The following OTUD7A variants were observed in gnomAD, a reference collection of about 807,000 sequenced individuals.
OTUD7A encodes OTU domain-containing protein 7A.
A neutral mutation model predicts 65.7 loss-of-function variants in OTUD7A; 12 were observed. The ratio of observed to expected loss-of-function variants is 0.18; its 90% CI spans 0.12 to 0.30. The LOEUF (loss-of-function observed/expected upper bound fraction) is 0.30. OTUD7A is among the 10% of genes least tolerant of loss of function. The pLI, the probability that OTUD7A is intolerant of heterozygous loss-of-function variation, is 1.00. For synonymous variants in OTUD7A, 641 were observed against 586.3 expected (o/e 1.09, Z -1.35); for missense variants, 1,148 against 1,304.8 (o/e 0.88, Z 1.85).
chr15:31,540,867 G>A (rs75176376), intron 5 of OTUD7A, among the ~76,000 whole-genome samples: 4,887 of 152,248 alleles, frequency 0.032, 258 homozygotes, highest in African/African-American at 0.11. Flanking sequence ...GCAAATAAAG[G>A]GAAGCTTTTG....
intron 6 of OTUD7A, 94 bp from the exon 7 acceptor site, chr15:31,527,402 G>C: frequency 6.7e-7 from 1 of 1,482,636 alleles, no homozygotes. Context: ...CACTGGGAGA[G>C]CCTCCTGTCT....
chr15:31,594,661 A>G (rs546745900), intron 3 of OTUD7A, among the ~76,000 whole-genome samples: 1 of 152,336 alleles, frequency 6.6e-6, no homozygotes, highest in East Asian at 1.9e-4. Flanking sequence ...TTCAGATTCA[A>G]TGAAATCCTG....
At chr15:31,778,730 TCTCTC>T (rs1895456444) in intron 1 of OTUD7A, among the ~76,000 whole-genome samples, 2 of 151,094 alleles carry the variant, frequency 1.3e-5, no homozygotes, top group Admixed American at 1.3e-4. Context: ...GATGTGTGTG[TCTCTC>T]TCTCTCACAC....
In OTUD7A at chr15:31,767,121, T is replaced by G. The variant is rs1567012024; in HGVS notation, c.-100+103386A>C. ...CAGTAGAATCTGATTCTTCTTTATT[T>G]TTTTTTCTCTACGAAGCAGACTGAG... is the stretch of plus-strand genomic sequence containing the variant. On this transcript the variant is annotated intron_variant, in intron 1 of 12. Transcript: ENST00000307050. 5 of 1,546,120 alleles carry G rather than the reference T, an allele frequency of 3.2e-6. No homozygotes were observed. The South Asian group carries it at 5.9e-5, about 18-fold the overall frequency.
chr15:31,857,077 A>G (rs1897593891), intron 1 of OTUD7A, among the ~76,000 whole-genome samples: 1 of 152,224 alleles, frequency 6.6e-6, no homozygotes, highest in Non-Finnish European at 1.5e-5. Context: ...ACAACATGGA[A>G]ATAGAGGCTT....
rs35903264 is a variant in OTUD7A at position 31,646,523 on chromosome 15, T to C, written c.151+8573A>G. Among the ~76,000 whole-genome samples, 315 of 151,488 alleles carry C rather than the reference T, an allele frequency of 2.1e-3. 1 individual carries two copies. In the East Asian group the frequency reaches 0.022, roughly 10 times the overall value. On this transcript the variant is annotated intron_variant, in intron 3 of 12. Coordinates refer to ENST00000307050, the MANE Select transcript of OTUD7A (RefSeq NM_001382637.1). ...TTGCCCAGGCTGGAGTACAATGGTG[T>C]GATCTTGGCTCACTGCAACCTCTGC...
At position 31,484,019 on chromosome 15, in the gene OTUD7A, C is replaced by T. The variant is rs1216305527; in HGVS notation, c.2077G>A (p.Ala693Thr). The change falls in exon 13 of 13, where the codon GCC (alanine) becomes ACC (threonine). Residue 693 changes from alanine to threonine, a missense_variant. Ala to Thr is a moderately conservative substitution (Grantham distance 58, BLOSUM62 0). This residue lies in a region of OTUD7A where 842 missense variants were observed against 769.5 expected (regional missense o/e 1.09). Coordinates refer to ENST00000307050, the MANE Select transcript of OTUD7A (RefSeq NM_001382637.1). This position sits in a 1 kb window ranked among gnomAD's most constrained non-coding sequence, Gnocchi z 4.5. Reference protein sequence around the residue: ...AATAAAAAAAAAAATAKRPPR... With the variant: ...AATAAAAAAATAAATAKRPPR... ...GGCCGCTTGGCCGTGGCGGCGGCGG[C>T]GGCGGCGGCAGCGGCGGCCGCAGTA... 3 of 1,214,036 alleles carry T rather than the reference C, an allele frequency of 2.5e-6. No homozygotes were observed. The African/African-American group carries it at 4.8e-5, about 19-fold the overall frequency. 75.2% of individuals were successfully genotyped at this position (1,214,036 alleles called of 1,614,324 possible).
intron 1 of OTUD7A, among the ~76,000 whole-genome samples, chr15:31,851,810 G>A (rs548693699): frequency 6.6e-6 from 1 of 152,290 alleles, no homozygotes; most frequent in African/African-American, 2.4e-5. Context: ...AGAAAGAAAA[G>A]TATTTAGATA....
At chr15:31,634,552 T>C (rs751484389) in intron 3 of OTUD7A, among the ~76,000 whole-genome samples, 7 of 152,220 alleles carry the variant, frequency 4.6e-5, no homozygotes, top group African/African-American at 7.2e-5. Flanking sequence ...TGTCAAGGCC[T>C]TCCTTCACGG....
rs1478445365 is a variant in OTUD7A, at chr15:31,870,583, T to G, written c.-176A>C. On this transcript the variant is annotated 5_prime_UTR_variant, in exon 1 of 13. Coordinates refer to ENST00000307050, the MANE Select transcript of OTUD7A (RefSeq NM_001382637.1). ...CTACCCGACTTCCATTTTCTCTCGCTTTAAAGGAAAACCAGATCAGCTGTT... is the reference window on the plus strand; with the variant it reads ...CTACCCGACTTCCATTTTCTCTCGCGTTAAAGGAAAACCAGATCAGCTGTT... 6.8e-6 allele frequency: 1 copy of G among 147,258 alleles called. No homozygotes were observed. Among genetic ancestry groups the G allele is most frequent in the Non-Finnish European group, 1.5e-5 (1 of 66,420 alleles). The allele number at this position is 147,258 out of a possible 1,614,324, so 9.1% of individuals were successfully genotyped here.
chr15:31,541,196 G>C (rs1378203023), intron 5 of OTUD7A, among the ~76,000 whole-genome samples: 3 of 151,982 alleles, frequency 2.0e-5, no homozygotes, highest in Non-Finnish European at 4.4e-5. Flanking sequence ...GTAGTATTAG[G>C]ATAAAAAAGA....
intron 1 of OTUD7A, among the ~76,000 whole-genome samples, chr15:31,768,515 T>C (rs1895147605): frequency 6.6e-6 from 1 of 151,922 alleles, no homozygotes; most frequent in Admixed American, 6.6e-5. Flanking sequence ...AAAAATTAGC[T>C]GGGCATGGTG....
At chr15:31,720,076 T>C (rs1340524164) in intron 1 of OTUD7A, among the ~76,000 whole-genome samples, 2 of 152,136 alleles carry the variant, frequency 1.3e-5, no homozygotes, top group Non-Finnish European at 2.9e-5. Context: ...AGCTGCTCTC[T>C]GTAAAGGCTT....
chr15:31,758,218 A>G (rs980944969), intron 1 of OTUD7A, among the ~76,000 whole-genome samples: 4 of 152,168 alleles, frequency 2.6e-5, no homozygotes, highest in African/African-American at 9.7e-5. Flanking sequence ...TCATTTAGAT[A>G]AAGGGAAATA....
rs75031722 is a variant in OTUD7A at position 31,750,749 on chromosome 15, A to G, written c.-99-93672T>C. The stretch of plus-strand genomic sequence containing the variant: ...TTCCCACCCTTTAATACTATGTATA[A>G]TTATTATTTGTGTCAGGATAAGTTG... On this transcript the variant is annotated intron_variant, in intron 1 of 12. Coordinates refer to ENST00000307050, the MANE Select transcript of OTUD7A (RefSeq NM_001382637.1). Among the ~76,000 whole-genome samples the G allele has an allele frequency of 1.2e-4, 18 of 152,290 alleles. No homozygotes were observed. In the East Asian group the frequency reaches 3.3e-3, roughly 28 times the overall value.
chr15:31,835,699 T>C (rs1897038618), intron 1 of OTUD7A, among the ~76,000 whole-genome samples: 1 of 152,114 alleles, frequency 6.6e-6, no homozygotes, highest in African/African-American at 2.4e-5. Flanking sequence ...TACACATATA[T>C]ACCCACATAC....
chr15:31,610,125 A>G (rs1255802455), intron 3 of OTUD7A, among the ~76,000 whole-genome samples: 1 of 152,240 alleles, frequency 6.6e-6, no homozygotes, highest in Non-Finnish European at 1.5e-5. Context: ...AGCTCTGCTA[A>G]TGTGATAAAA....
At chr15:31,690,127 C>T (rs1212784795) in intron 1 of OTUD7A, among the ~76,000 whole-genome samples, 2 of 152,114 alleles carry the variant, frequency 1.3e-5, no homozygotes, top group African/African-American at 4.8e-5. Flanking sequence ...AATCTAATTC[C>T]CATCTCTTCC....
rs540455589 is a variant in OTUD7A, at chr15:31,479,076, T to C, written c.*4218A>G. Reference sequence around the variant, plus strand: ...GCTAGAGTTTAGAGTCAGGAGTAAATGGGAAGGTGGTGCCTCAGATCTCTA... The same window carrying C: ...GCTAGAGTTTAGAGTCAGGAGTAAACGGGAAGGTGGTGCCTCAGATCTCTA... On this transcript the variant is annotated 3_prime_UTR_variant, in exon 13 of 13. Coordinates refer to ENST00000307050, the MANE Select transcript of OTUD7A (RefSeq NM_001382637.1). The C allele has an allele frequency of 1.3e-5, 2 of 152,126 alleles. 1 individual carries two copies. Among genetic ancestry groups the C allele is most frequent in the South Asian group, 4.1e-4 (2 of 4,826 alleles). The allele number at this position is 152,126 out of a possible 1,614,324, so 9.4% of individuals were successfully genotyped here.
Sources: allele counts gnomAD v4.1 joint callset (sites outside exome capture counted in the v4.1 genomes callset), GRCh38; gene constraint gnomAD v4.1.1; regional missense constraint gnomAD v4.1.1; non-coding constraint Gnocchi (gnomAD v3.1); transcripts MANE v1.5; gene names NCBI Gene and HGNC (gene_info 2026-07-23, HGNC 2026-07-21).